Variants in GRM7 observed in about 807,000 individuals in gnomAD.
GRM7 encodes the protein glutamate metabotropic receptor 7, also known as metabotropic glutamate receptor 7.
In GRM7, 35 loss-of-function variants were observed where a neutral mutation model predicts 84.5. The ratio of observed to expected loss-of-function variants is 0.41; its 90% CI spans 0.32 to 0.55. GRM7 has a LOEUF of 0.55. Ranked by LOEUF, GRM7 falls within the 20% of genes least tolerant of loss-of-function variation. The probability of loss-of-function intolerance (pLI) is 0.19; values close to 1 mark genes in which losing one functional copy is unlikely to be tolerated. For synonymous variants in GRM7, 487 were observed against 455.1 expected (o/e 1.07, Z -0.89); for missense variants, 1,003 against 1,194.6 (o/e 0.84, Z 2.36).
rs543705619 is a variant in GRM7 at position 7,327,328 on chromosome 3, A to G, written c.1033+20676A>G. Among the ~76,000 whole-genome samples the G allele has an allele frequency of 2.2e-4, 33 of 152,288 alleles. No individual in the cohort carries two copies. In the South Asian group the frequency reaches 2.3e-3, roughly 11 times the overall value. On this transcript the variant is annotated intron_variant, in intron 4 of 9. Coordinates refer to ENST00000357716, the MANE Select transcript of GRM7 (RefSeq NM_000844.4). The stretch of plus-strand genomic sequence containing the variant: ...TTCCCCATTATCATTCTACCAATCT[A>G]AAATATTGCTGACTCCCCTCTGCCT...
intron 5 of GRM7, among the ~76,000 whole-genome samples, chr3:7,426,030 G>T (rs989492555): frequency 6.6e-6 from 1 of 152,080 alleles, no homozygotes; most frequent in Non-Finnish European, 1.5e-5. Context: ...GTATAGATTG[G>T]TGCTATTTTT....
At chr3:7,192,625 T>G (rs1575014197) in intron 2 of GRM7, among the ~76,000 whole-genome samples, 1 of 152,256 alleles carries the variant, frequency 6.6e-6, no homozygotes, top group Non-Finnish European at 1.5e-5. Flanking sequence ...CTCTCCTTCC[T>G]TCAGTTCCGA....
intron 1 of GRM7, among the ~76,000 whole-genome samples, chr3:7,031,803 A>T (rs112394286): frequency 0.031 from 4,772 of 151,986 alleles, 269 homozygotes; most frequent in African/African-American, 0.11. Context: ...GATTTTGTTC[A>T]CTTTTATCCC....
At chr3:7,337,455 TAATC>T (rs1044434900) in intron 4 of GRM7, among the ~76,000 whole-genome samples, 5 of 151,768 alleles carry the variant, frequency 3.3e-5, no homozygotes, top group Non-Finnish European at 5.9e-5. Flanking sequence ...GCAAAAGAAA[TAATC>T]AGCAGAGTAA....
intron 4 of GRM7, among the ~76,000 whole-genome samples, chr3:7,386,623 A>G (rs1010026682): frequency 4.6e-5 from 7 of 152,206 alleles, no homozygotes; most frequent in Non-Finnish European, 8.8e-5. Context: ...CTTTATGGCT[A>G]CATAGTATTC....
intron 7 of GRM7, among the ~76,000 whole-genome samples, chr3:7,550,138 T>C (rs1350624571): frequency 6.6e-6 from 1 of 151,904 alleles, no homozygotes; most frequent in Non-Finnish European, 1.5e-5. Context: ...GTGCTGTCCA[T>C]GTAAGTGCAG....
intron 1 of GRM7, among the ~76,000 whole-genome samples, chr3:6,971,080 G>C (rs1423235427): frequency 2.0e-5 from 3 of 151,872 alleles, no homozygotes; most frequent in Non-Finnish European, 4.4e-5. Context: ...GAAGTGATTG[G>C]ACTCTAGACA....
intron 1 of GRM7, among the ~76,000 whole-genome samples, chr3:7,085,801 C>A (rs1238686215): frequency 6.6e-6 from 1 of 151,926 alleles, no homozygotes; most frequent in East Asian, 1.9e-4. Context: ...TGGAACCTAC[C>A]CCCATCCTCT....
intron 2 of GRM7, among the ~76,000 whole-genome samples, chr3:7,281,751 T>A (rs956250556): frequency 6.6e-6 from 1 of 152,146 alleles, no homozygotes; most frequent in Non-Finnish European, 1.5e-5. Flanking sequence ...AATGTAAATT[T>A]CAGGTCCCAC....
At chr3:7,018,028 A>G (rs1181411841) in intron 1 of GRM7, among the ~76,000 whole-genome samples, 1 of 152,350 alleles carries the variant, frequency 6.6e-6, no homozygotes, top group East Asian at 1.9e-4. Context: ...AGAAAGCACT[A>G]TCCAATAAAA....
intron 9 of GRM7, among the ~76,000 whole-genome samples, chr3:7,689,216 AT>A (rs1211009098): frequency 6.6e-6 from 1 of 152,224 alleles, no homozygotes; most frequent in Non-Finnish European, 1.5e-5. Flanking sequence ...CATGAATTGT[AT>A]TATTGACATC....
chr3:7,469,966 G>GT (rs1200531230), intron 7 of GRM7, among the ~76,000 whole-genome samples: 1 of 152,138 alleles, frequency 6.6e-6, no homozygotes, highest in Admixed American at 6.5e-5. Context: ...ACATAAGAAT[G>GT]TTTTTGACTT....
intron 5 of GRM7, among the ~76,000 whole-genome samples, chr3:7,427,883 C>A (rs147135832): frequency 6.6e-6 from 1 of 152,144 alleles, no homozygotes; most frequent in South Asian, 2.1e-4. Context: ...CATGGTCAGT[C>A]GCTGATTAGA....
rs569114646 is a variant in GRM7, at chr3:7,237,782, C to T, written c.737-60902C>T. On this transcript the variant is annotated intron_variant, in intron 2 of 9. Transcript: ENST00000357716. ...TGGCTCCAGTGGCCAGCTTTTATTC[C>T]CTTATTTGGCCCTACACACATCCTG... Among the ~76,000 whole-genome samples the T allele has an allele frequency of 1.8e-4, 28 of 152,220 alleles. 5 individuals are homozygous for T. Among genetic ancestry groups the T allele is most frequent in the South Asian group, 1.5e-3 (7 of 4,816 alleles).
At chr3:7,461,448 T>TG in intron 6 of GRM7, 135 bp from the exon 7 acceptor site, 1 of 625,974 alleles carries the variant, frequency 1.6e-6, no homozygotes, top group Admixed American at 2.9e-5. Context: ...GGGGCCGTTT[T>TG]GGGGGGACCT....
rs993343392 is a variant in GRM7 at position 7,302,603 on chromosome 3, G to A, written c.878+3778G>A. Among the ~76,000 whole-genome samples, 5 of 151,966 alleles carry A rather than the reference G, an allele frequency of 3.3e-5. 1 individual carries two copies. Among genetic ancestry groups the A allele is most frequent in the Admixed American group, 2.0e-4 (3 of 15,256 alleles). The stretch of plus-strand genomic sequence containing the variant: ...GATATGATTCTATGCTTTTAACTAT[G>A]CATATATACACATATACAGGCAATT... On this transcript the variant is annotated intron_variant, in intron 3 of 9. Coordinates refer to ENST00000357716, the MANE Select transcript of GRM7 (RefSeq NM_000844.4).
intron 8 of GRM7, among the ~76,000 whole-genome samples, chr3:7,627,053 A>G (rs543529163): frequency 3.9e-5 from 6 of 152,162 alleles, no homozygotes; most frequent in African/African-American, 1.4e-4. Context: ...AGCCATAATA[A>G]GGCTGTTGAG....
chr3:7,499,365 G>T (rs539934602), intron 7 of GRM7, among the ~76,000 whole-genome samples: 2 of 152,094 alleles, frequency 1.3e-5, no homozygotes, highest in Non-Finnish European at 2.9e-5. Flanking sequence ...AACGGAGATG[G>T]CACAGATACT....
At position 6,986,589 on chromosome 3, in the gene GRM7, T is replaced by C. The variant is rs184198498; in HGVS notation, c.519+124682T>C. Among the ~76,000 whole-genome samples, 22 of 152,312 alleles carry C rather than the reference T, an allele frequency of 1.4e-4. 1 individual carries two copies. The highest frequency in any genetic ancestry group is 1.4e-3 in the Admixed American group (21 of 15,306). On this transcript the variant is annotated intron_variant, in intron 1 of 9. Coordinates refer to ENST00000357716, the MANE Select transcript of GRM7 (RefSeq NM_000844.4). ...CCTCATGTATTTCATAATCTTGGAA[T>C]TAACTGTGATGATTTTCTAAGCTCT...
Sources: allele counts gnomAD v4.1 joint callset (sites outside exome capture counted in the v4.1 genomes callset), GRCh38; gene constraint gnomAD v4.1.1; transcripts MANE v1.5; gene names NCBI Gene and HGNC (gene_info 2026-07-23, HGNC 2026-07-21).